Variants in HCN1 observed in about 807,000 individuals in gnomAD.
HCN1 encodes hyperpolarization activated cyclic nucleotide gated potassium channel 1.
In HCN1, 13 loss-of-function variants were observed where a neutral mutation model predicts 78.9. The observed-to-expected ratio is 0.16, with a 90% CI of 0.11 to 0.26. HCN1 has a LOEUF of 0.26. HCN1 is among the 10% of genes least tolerant of loss of function. The pLI is 1.00. For synonymous variants in HCN1, 552 were observed against 455.5 expected (o/e 1.21, Z -2.70); for missense variants, 810 against 1,154.3 (o/e 0.70, Z 4.32).
rs747975797 is a variant in HCN1, at chr5:45,695,870, TCGCCGCCGC to T, written c.215_223del (p.Gly72_Gly74del). ...GTCTTCGAAGCCCCCCGCCGGCTCC[TCGCCGCCGC>T]CGCCGCCGCCGCCACCGCCGCCACC... On this transcript the variant is annotated inframe_deletion, in exon 1 of 8. Transcript: ENST00000303230. 2.5e-3 allele frequency: 3,835 copies of T among 1,563,448 alleles called. 17 individuals carry two copies. Among genetic ancestry groups the T allele is most frequent in the Non-Finnish European group, 2.9e-3 (3,415 of 1,161,662 alleles).
At chr5:45,468,145 C>G (rs1056524443) in intron 2 of HCN1, among the ~76,000 whole-genome samples, 1 of 152,106 alleles carries the variant, frequency 6.6e-6, no homozygotes, top group African/African-American at 2.4e-5. Context: ...GACTTTATTT[C>G]CCAAATGGTG....
intron 6 of HCN1, among the ~76,000 whole-genome samples, chr5:45,268,803 T>C (rs981407043): frequency 2.0e-5 from 3 of 152,194 alleles, no homozygotes; most frequent in Non-Finnish European, 4.4e-5. Flanking sequence ...TGTGTGTCTG[T>C]GTAGGAAAAT....
At position 45,521,305 on chromosome 5, in the gene HCN1, G is replaced by A. The variant is rs528265776; in HGVS notation, c.850-59298C>T. On this transcript the variant is annotated intron_variant, in intron 2 of 7. Coordinates refer to ENST00000303230, the MANE Select transcript of HCN1 (RefSeq NM_021072.4). ...GCCAAACTTAACATGAAGCCACAGA[G>A]AAAGTGTATTAGTTTCCAAGGGCTA... is the stretch of plus-strand genomic sequence containing the variant. Among the ~76,000 whole-genome samples, 442 of 152,046 alleles carry A rather than the reference G, an allele frequency of 2.9e-3. 2 individuals are homozygous for A. Among genetic ancestry groups the A allele is most frequent in the African/African-American group, 0.01 (421 of 41,524 alleles).
chr5:45,368,487 T>G (rs1747279872), intron 4 of HCN1, among the ~76,000 whole-genome samples: 1 of 152,064 alleles, frequency 6.6e-6, no homozygotes, highest in Admixed American at 6.6e-5. Flanking sequence ...ATTTCTCTTC[T>G]ATATCAACAT....
chr5:45,419,525 T>C (rs947450808), intron 3 of HCN1, among the ~76,000 whole-genome samples: 1 of 152,188 alleles, frequency 6.6e-6, no homozygotes, highest in African/African-American at 2.4e-5. Context: ...AATGAGCCAT[T>C]GTACTGGAAA....
intron 3 of HCN1, among the ~76,000 whole-genome samples, chr5:45,460,202 G>T (rs997389649): frequency 6.6e-6 from 1 of 152,074 alleles, no homozygotes; most frequent in Non-Finnish European, 1.5e-5. Context: ...GTCTAATAAA[G>T]GTGTTTAGGT....
intron 2 of HCN1, among the ~76,000 whole-genome samples, chr5:45,581,625 G>A (rs1431315880): frequency 6.6e-6 from 1 of 152,082 alleles, no homozygotes; most frequent in Non-Finnish European, 1.5e-5. Context: ...TATTGCCTAG[G>A]TTTTCTTCTA....
rs202030715 is a variant in HCN1 at position 45,400,429 on chromosome 5, G to A, written c.1012-3719C>T. Among the ~76,000 whole-genome samples, 26 of 118,768 alleles carry A rather than the reference G, an allele frequency of 2.2e-4. No homozygotes were observed. In the East Asian group the frequency reaches 6.1e-3, roughly 28 times the overall value. The allele number at this position is 118,768 out of a possible 152,430, so 77.9% of individuals were successfully genotyped here. On this transcript the variant is annotated intron_variant, in intron 3 of 7. Transcript: ENST00000303230. ...TTTTTTTTTTTTGAGATGGAGTTTCGCTCTTGTTGCCCAGGCTGGAGTGCA... is the reference window on the plus strand; with the variant it reads ...TTTTTTTTTTTTGAGATGGAGTTTCACTCTTGTTGCCCAGGCTGGAGTGCA...
At chr5:45,348,197 TG>T (rs1237039765) in intron 5 of HCN1, among the ~76,000 whole-genome samples, 1 of 151,862 alleles carries the variant, frequency 6.6e-6, no homozygotes, top group African/African-American at 2.4e-5. Context: ...CAGAAGAGAG[TG>T]GGGGGCCAGT....
At chr5:45,461,085 A>T (rs1394237280) in intron 3 of HCN1, among the ~76,000 whole-genome samples, 1 of 152,004 alleles carries the variant, frequency 6.6e-6, no homozygotes, top group East Asian at 1.9e-4. Flanking sequence ...AACTTATACA[A>T]AAAGAACAAA....
intron 5 of HCN1, among the ~76,000 whole-genome samples, chr5:45,326,483 A>G (rs1036791354): frequency 6.6e-6 from 1 of 151,646 alleles, no homozygotes; most frequent in African/African-American, 2.4e-5. Flanking sequence ...TTATAGTTAT[A>G]TTAAGAAAAA....
At chr5:45,570,154 C>T (rs988223364) in intron 2 of HCN1, among the ~76,000 whole-genome samples, 2 of 151,906 alleles carry the variant, frequency 1.3e-5, no homozygotes, top group African/African-American at 4.8e-5. Context: ...CATCTTTTAT[C>T]GATATTTAAT....
rs370451198 is a variant in HCN1 at position 45,547,747 on chromosome 5, T to A, written c.850-85740A>T. On this transcript the variant is annotated intron_variant, in intron 2 of 7. Coordinates refer to ENST00000303230, the MANE Select transcript of HCN1 (RefSeq NM_021072.4). ...ATCAGAGATATGTGTCATCTGTGAATTTGATAAGCAAATATTCAATGTCTT... is the reference window on the plus strand; with the variant it reads ...ATCAGAGATATGTGTCATCTGTGAAATTGATAAGCAAATATTCAATGTCTT... 7.9e-5 allele frequency among the ~76,000 whole-genome samples: 12 copies of A among 152,044 alleles called. No homozygotes were observed. In the East Asian group the frequency reaches 2.3e-3, roughly 30 times the overall value.
At chr5:45,344,799 C>T (rs1216149747) in intron 5 of HCN1, among the ~76,000 whole-genome samples, 1 of 152,114 alleles carries the variant, frequency 6.6e-6, no homozygotes, top group Non-Finnish European at 1.5e-5. Flanking sequence ...GGTGGGGATT[C>T]ATTGAGTATC....
intron 1 of HCN1, among the ~76,000 whole-genome samples, chr5:45,659,126 C>A (rs1745859422): frequency 6.6e-6 from 1 of 151,860 alleles, no homozygotes; most frequent in Non-Finnish European, 1.5e-5. Context: ...CAGACTGCCT[C>A]CTCAAGTGGG....
chr5:45,693,485 C>A (rs1739952660), intron 1 of HCN1, among the ~76,000 whole-genome samples: 1 of 152,062 alleles, frequency 6.6e-6, no homozygotes, highest in Non-Finnish European at 1.5e-5. Flanking sequence ...CCAAACTACT[C>A]CACACTGGAA....
intron 2 of HCN1, among the ~76,000 whole-genome samples, chr5:45,492,708 C>T (rs1741914257): frequency 6.6e-6 from 1 of 151,574 alleles, no homozygotes; most frequent in African/African-American, 2.4e-5. Context: ...CACCATGTTG[C>T]CCAGGCTGGT....
intron 2 of HCN1, among the ~76,000 whole-genome samples, chr5:45,513,428 T>C (rs1742455683): frequency 6.6e-6 from 1 of 152,168 alleles, no homozygotes; most frequent in South Asian, 2.1e-4. Context: ...AGATAATTCC[T>C]ACCTACATTA....
At chr5:45,612,098 C>T (rs901467436) in intron 2 of HCN1, among the ~76,000 whole-genome samples, 1 of 152,060 alleles carries the variant, frequency 6.6e-6, no homozygotes, top group African/African-American at 2.4e-5. Context: ...AACTGATCTC[C>T]CAGTAGTCAA....
Sources: allele counts gnomAD v4.1 joint callset (sites outside exome capture counted in the v4.1 genomes callset), GRCh38; gene constraint gnomAD v4.1.1; transcripts MANE v1.5; gene names NCBI Gene and HGNC (gene_info 2026-07-23, HGNC 2026-07-21).